Variants in SLC23A1 observed in about 807,000 individuals in gnomAD.
The protein encoded by SLC23A1 is Na(+)/L-ascorbic acid transporter 1.
A neutral mutation model predicts 62.5 loss-of-function variants in SLC23A1; 31 were observed. That is an observed-to-expected ratio of 0.50 (90% confidence interval 0.37 to 0.67). SLC23A1 has a LOEUF of 0.67. Ranked by LOEUF, SLC23A1 falls within the 30% of genes least tolerant of loss-of-function variation. The probability of loss-of-function intolerance (pLI) is 0.00; values close to 1 mark genes in which losing one functional copy is unlikely to be tolerated. For synonymous variants in SLC23A1, 271 were observed against 313.2 expected (o/e 0.87, Z 1.42); for missense variants, 640 against 782.7 (o/e 0.82, Z 2.18).
In SLC23A1 at chr5:139,379,852, G is replaced by C; in HGVS notation, c.769-18C>G. 6.2e-7 allele frequency: 1 copy of C among 1,614,060 alleles called. No individual in the cohort carries two copies. Among genetic ancestry groups the C allele is most frequent in the South Asian group, 1.1e-5 (1 of 91,078 alleles). On this transcript the variant is annotated intron_variant, in intron 7 of 14. Transcript: ENST00000348729. The surrounding 1 kb of genome is among the most constrained non-coding windows in gnomAD (Gnocchi z 4.7). Reference sequence around the variant, plus strand: ...AGCATGATCTGAAGGAGGGGGGTGAGGGGGCACTGAAGGCACTGGAGGTCT... The same window carrying C: ...AGCATGATCTGAAGGAGGGGGGTGACGGGGCACTGAAGGCACTGGAGGTCT...
intron 6 of SLC23A1, 59 bp from the exon 7 acceptor site, chr5:139,380,135 GGAA>G: frequency 6.4e-7 from 1 of 1,570,408 alleles, no homozygotes; most frequent in Non-Finnish European, 8.6e-7. Context: ...CCAGGAGCCG[GGAA>G]GAAGGACCAA....
In SLC23A1 at chr5:139,383,249, C is replaced by T; in HGVS notation, c.5G>A (p.Arg2Lys). M[R>K]AQEDLEGRTQ... The stretch of plus-strand genomic sequence containing the variant: ...CCGGCCCTCGAGGTCCTCCTGGGCC[C>T]TCATCTTTGGGGCACAGGTTTGAGC... Residue 2 changes from arginine to lysine, a missense_variant, in exon 1 of 15, where the codon AGG (arginine) becomes AAG (lysine). Coordinates refer to ENST00000348729, the MANE Select transcript of SLC23A1 (RefSeq NM_005847.5). The T allele has an allele frequency of 6.7e-7, 1 of 1,486,740 alleles. No individual in the cohort carries two copies. Among genetic ancestry groups the T allele is most frequent in the South Asian group, 1.1e-5 (1 of 87,290 alleles). The allele number at this position is 1,486,740 out of a possible 1,614,324, so 92.1% of individuals were successfully genotyped here. A position where few individuals can be genotyped will look rare whatever the true frequency, so the allele number is the denominator to read the frequency against.
chr5:139,376,849 G>A (rs1210270586), intron 13 of SLC23A1, among the ~76,000 whole-genome samples: 1 of 152,192 alleles, frequency 6.6e-6, no homozygotes, highest in Non-Finnish European at 1.5e-5. Context: ...GAGGCCAGGT[G>A]CAGTGGCTCA....
At chr5:139,374,750 C>T (rs1757862228) in intron 13 of SLC23A1, among the ~76,000 whole-genome samples, 1 of 152,154 alleles carries the variant, frequency 6.6e-6, no homozygotes, top group Non-Finnish European at 1.5e-5. Flanking sequence ...AGTTCTGCAG[C>T]TGTTGTTAAG....
At chr5:139,383,488 G>T, upstream of SLC23A1, 1 of 653,658 alleles carries the variant, frequency 1.5e-6, no homozygotes, top group Non-Finnish European at 1.9e-6. Context: ...CCACATCTGC[G>T]CCTGGGCGCT....
intron 13 of SLC23A1, among the ~76,000 whole-genome samples, chr5:139,377,100 C>T (rs1296383581): frequency 6.6e-6 from 1 of 150,860 alleles, no homozygotes; most frequent in Non-Finnish European, 1.5e-5. Flanking sequence ...GCCTGGGTGA[C>T]AGGGCGAGAC....
In SLC23A1 at chr5:139,380,008, C is replaced by T. The variant is rs558832900; in HGVS notation, c.716G>A (p.Arg239His). Residue 239 changes from arginine to histidine, a missense_variant, in exon 7 of 15, where the codon CGC becomes CAC. Physicochemically the swap from Arg to His is conservative, Grantham distance 29. Transcript: ENST00000348729. ...RNLTFLLPVY[R>H]WGKGLTLLRI... ...GAGGAGAGTGAGGCCCTTGCCCCAG[C>T]GGTAGACAGGCAGCAGGAAGGTGAG... is the stretch of plus-strand genomic sequence containing the variant. The T allele has an allele frequency of 1.1e-5, 18 of 1,613,982 alleles. No individual in the cohort carries two copies. Among genetic ancestry groups the T allele is most frequent in the East Asian group, 2.2e-5 (1 of 44,854 alleles).
intron 14 of SLC23A1, among the ~76,000 whole-genome samples, chr5:139,370,205 C>G (rs1757569783): frequency 6.6e-6 from 1 of 152,280 alleles, no homozygotes; most frequent in Non-Finnish European, 1.5e-5. Flanking sequence ...GAGTCCTGCT[C>G]TGTTGCCCAG....
rs1400141849 is a variant in SLC23A1, at chr5:139,375,608, G to A, written c.1549+1794C>T. Reference sequence around the variant, plus strand: ...CTAGCACTTTGGGAGGCCAAGGTGGGCGGATCACCTGAGGTCAGGAGTTTG... The same window carrying A: ...CTAGCACTTTGGGAGGCCAAGGTGGACGGATCACCTGAGGTCAGGAGTTTG... On this transcript the variant is annotated intron_variant, in intron 13 of 14. Transcript: ENST00000348729. Among the ~76,000 whole-genome samples, 5 of 152,142 alleles carry A rather than the reference G, an allele frequency of 3.3e-5. No homozygotes were observed. The South Asian group carries it at 6.2e-4, about 19-fold the overall frequency.
intron 13 of SLC23A1, among the ~76,000 whole-genome samples, chr5:139,376,724 T>C (rs1446087121): frequency 1.3e-5 from 2 of 152,244 alleles, no homozygotes; most frequent in Non-Finnish European, 2.9e-5. Flanking sequence ...GGCAGGCTGC[T>C]GACATATTTG....
intron 13 of SLC23A1, among the ~76,000 whole-genome samples, chr5:139,374,731 G>A (rs1757861217): frequency 6.6e-6 from 1 of 152,162 alleles, no homozygotes; most frequent in Non-Finnish European, 1.5e-5. Context: ...GGGTATAAGG[G>A]ACTCAGGCAG....
intron 1 of SLC23A1, among the ~76,000 whole-genome samples, chr5:139,382,813 T>A (rs1758344314): frequency 1.3e-5 from 2 of 152,206 alleles, no homozygotes; most frequent in Non-Finnish European, 2.9e-5. Flanking sequence ...GGGATGAGTC[T>A]ACTGTGCCAG....
At chr5:139,382,396 C>T (rs1206452872) in intron 2 of SLC23A1, 96 bp downstream of exon 2, 2 of 696,282 alleles carry the variant, frequency 2.9e-6, no homozygotes, top group Non-Finnish European at 5.0e-6. Flanking sequence ...TCAGGTTTTT[C>T]TTCCTGTTAC....
At chr5:139,385,258 C>T (rs142873275), upstream of SLC23A1, among the ~76,000 whole-genome samples, 5 of 152,222 alleles carry the variant, frequency 3.3e-5, no homozygotes, top group African/African-American at 9.7e-5. Context: ...CACTCACAAA[C>T]GAAACTGAAA....
chr5:139,378,509 G>T lies in SLC23A1; in HGVS notation c.1179+70C>A, dbSNP rs566156627. Reference sequence around the variant, plus strand: ...ACAGGGTGGGGCTAAACCAAAGTGGGGACCGAGTTGGGGCGGGGCCTGCGG... The same window carrying T: ...ACAGGGTGGGGCTAAACCAAAGTGGTGACCGAGTTGGGGCGGGGCCTGCGG... On this transcript the variant is annotated intron_variant, in intron 10 of 14. Transcript: ENST00000348729. The surrounding 1 kb of genome is among the most constrained non-coding windows in gnomAD (Gnocchi z 4.5). 1,382 of 1,449,736 alleles carry T rather than the reference G, an allele frequency of 9.5e-4. 2 individuals are homozygous for T. The highest frequency in any genetic ancestry group is 1.4e-3 in the Middle Eastern group (6 of 4,400). The allele number at this position is 1,449,736 out of a possible 1,614,324, so 89.8% of individuals were successfully genotyped here.
chr5:139,370,829 G>A (rs760038109), intron 14 of SLC23A1, among the ~76,000 whole-genome samples: 5 of 152,036 alleles, frequency 3.3e-5, no homozygotes, highest in Non-Finnish European at 7.4e-5. Flanking sequence ...GGTGGCTCAC[G>A]CCTGTAATCC....
At chr5:139,380,912 G>T (rs769695478) in intron 3 of SLC23A1, 26 bp from the exon 4 acceptor site, 3 of 861,470 alleles carry the variant, frequency 3.5e-6, no homozygotes, top group South Asian at 1.5e-5. Flanking sequence ...AAAGCAACAG[G>T]GGTGGGGAGG....
intron 1 of SLC23A1, 148 bp downstream of exon 1, chr5:139,383,070 C>A (rs1758359014): frequency 2.0e-5 from 12 of 603,002 alleles, no homozygotes; most frequent in African/African-American, 1.3e-4. Flanking sequence ...TCCACCCATC[C>A]CCCAGTTGCC....
intron 3 of SLC23A1, among the ~76,000 whole-genome samples, chr5:139,381,429 A>G (rs11744917): frequency 1 from 151,589 of 152,142 alleles, 75,519 homozygotes; most frequent in Middle Eastern, 1. Context: ...CAAGGTGGGC[A>G]GATACAAATA....
Sources: gnomAD v4.1 joint callset for allele counts (sites outside exome capture counted in the v4.1 genomes callset) on GRCh38, gnomAD v4.1.1 for gene constraint, Gnocchi (gnomAD v3.1) non-coding constraint, MANE v1.5 for transcripts, NCBI Gene and HGNC (gene_info 2026-07-23, HGNC 2026-07-21) for gene names.